The following ATXN7L1 variants were observed in gnomAD, a reference collection of about 807,000 sequenced individuals.
The protein encoded by ATXN7L1 is ataxin-7-like protein 1.
ATXN7L1 carries 15 observed loss-of-function variants against 70.8 expected under a neutral mutation model. The ratio of observed to expected loss-of-function variants is 0.21; its 90% CI spans 0.14 to 0.33. The LOEUF (loss-of-function observed/expected upper bound fraction) is 0.33. ATXN7L1 is among the 10% of genes least tolerant of loss of function. ATXN7L1 has a pLI of 1.00. For missense variants in ATXN7L1, 975 were observed against 1,097.1 expected, an observed-to-expected ratio of 0.89 and a Z score of 1.57; for synonymous variants, 440 against 445.1, an observed-to-expected ratio of 0.99 and a Z score of 0.14.
intron 4 of ATXN7L1, among the ~76,000 whole-genome samples, chr7:105,662,476 G>A (rs1801868050): frequency 6.6e-6 from 1 of 152,166 alleles, no homozygotes; most frequent in South Asian, 2.1e-4. Flanking sequence ...TGTGTGTTGA[G>A]TTGGACTGGA....
chr7:105,729,097 T>C (rs2116323930), intron 3 of ATXN7L1, among the ~76,000 whole-genome samples: 1 of 152,088 alleles, frequency 6.6e-6, no homozygotes, highest in East Asian at 1.9e-4. Context: ...GACCCATCTC[T>C]ACAAATAATA....
intron 3 of ATXN7L1, among the ~76,000 whole-genome samples, chr7:105,718,681 T>C (rs981679636): frequency 4.6e-5 from 7 of 152,352 alleles, no homozygotes; most frequent in Middle Eastern, 3.4e-3. Context: ...GATGGAGGCA[T>C]GGAACCACCT....
chr7:105,608,944 C>G (rs759096117), intron 11 of ATXN7L1, among the ~76,000 whole-genome samples: 2 of 152,142 alleles, frequency 1.3e-5, no homozygotes, highest in Non-Finnish European at 2.9e-5. Flanking sequence ...AAAACCCCAC[C>G]CCCCAATCCT....
intron 3 of ATXN7L1, among the ~76,000 whole-genome samples, chr7:105,783,121 G>A (rs1456688767): frequency 7.2e-5 from 11 of 152,170 alleles, no homozygotes; most frequent in Admixed American, 6.5e-4. Flanking sequence ...AGGCTCAGAA[G>A]GTCATATAAG....
rs1793553114 is a variant in ATXN7L1 at position 105,614,477 on chromosome 7, G to C, written c.1857C>G (p.Ser619=). 7 of 1,536,486 alleles carry C rather than the reference G, an allele frequency of 4.6e-6. No homozygotes were observed. Among genetic ancestry groups the C allele is most frequent in the Non-Finnish European group, 6.1e-6 (7 of 1,138,538 alleles). ...TTGAGGATTTGCTGGTTTTGGTTTTGGATGGCTTGTGGGATGGGGAAGGGA... is the reference window on the plus strand; with the variant it reads ...TTGAGGATTTGCTGGTTTTGGTTTTCGATGGCTTGTGGGATGGGGAAGGGA... ...AVIPSPSHKP[S]KTKTSKSSKV... Residue 619 remains serine, a synonymous_variant, in exon 10 of 12, where the codon TCC becomes TCG. Coordinates refer to ENST00000419735, the MANE Select transcript of ATXN7L1 (RefSeq NM_020725.2). This position sits in a 1 kb window ranked among gnomAD's most constrained non-coding sequence, Gnocchi z 4.3.
At chr7:105,729,893 A>G (rs2040434266) in intron 3 of ATXN7L1, among the ~76,000 whole-genome samples, 1 of 151,846 alleles carries the variant, frequency 6.6e-6, no homozygotes, top group African/African-American at 2.4e-5. Context: ...GCCTGCCACC[A>G]CGCCCAGCTA....
intron 2 of ATXN7L1, among the ~76,000 whole-genome samples, chr7:105,826,527 T>C (rs1420465188): frequency 3.9e-5 from 6 of 152,116 alleles, no homozygotes; most frequent in Non-Finnish European, 8.8e-5. Flanking sequence ...CATAGACATA[T>C]ACCTAAAAAA....
In ATXN7L1 at chr7:105,638,517, T is replaced by C; in HGVS notation, c.1038A>G (p.Lys346=). The C allele has an allele frequency of 1.9e-6, 3 of 1,552,282 alleles. No homozygotes were observed. The highest frequency in any genetic ancestry group is 2.6e-6 in the Non-Finnish European group (3 of 1,147,122). Residue 346 remains lysine, a synonymous_variant, in exon 7 of 12, where the codon AAA becomes AAG. Coordinates refer to ENST00000419735, the MANE Select transcript of ATXN7L1 (RefSeq NM_020725.2). ...LAEHKAKSRE[K]EVKDKEHLLT... is the part of the protein sequence containing the mutation. ...GGAGATGCTCTTTATCTTTAACTTC[T>C]TTTTCCCGGGACTTTGCTTTGTGTT... is the stretch of plus-strand genomic sequence containing the variant.
intron 4 of ATXN7L1, among the ~76,000 whole-genome samples, chr7:105,664,567 A>ATGTG (rs199654975): frequency 8.4e-6 from 1 of 119,220 alleles, no homozygotes. Context: ...TATATTATGT[A>ATGTG]TGTGTGTGTA....
At chr7:105,717,949 T>C (rs989637331) in intron 3 of ATXN7L1, among the ~76,000 whole-genome samples, 1 of 152,206 alleles carries the variant, frequency 6.6e-6, no homozygotes, top group African/African-American at 2.4e-5. Context: ...GGTAAGAATA[T>C]TAATATTTTT....
At chr7:105,729,830 C>T (rs1181293227) in intron 3 of ATXN7L1, among the ~76,000 whole-genome samples, 4 of 151,836 alleles carry the variant, frequency 2.6e-5, no homozygotes, top group Admixed American at 6.6e-5. Context: ...CTCTGCCTCC[C>T]GGGTTCACGC....
chr7:105,749,114 C>T (rs925019233), intron 3 of ATXN7L1, among the ~76,000 whole-genome samples: 2 of 148,168 alleles, frequency 1.3e-5, no homozygotes, highest in Non-Finnish European at 3.0e-5. Flanking sequence ...TGATTTTAGA[C>T]TGAGACTAAT....
chr7:105,631,488 C>A (rs1796590981), intron 7 of ATXN7L1, among the ~76,000 whole-genome samples: 1 of 152,190 alleles, frequency 6.6e-6, no homozygotes, highest in Non-Finnish European at 1.5e-5. Context: ...AGTAAACTTT[C>A]TGGAGTCTCG....
Position 105,607,747 on chromosome 7 carries a change from AAC to A in ATXN7L1, c.*103_*104del. 1 of 1,040,650 alleles carries A rather than the reference AAC, an allele frequency of 9.6e-7. No individual in the cohort carries two copies. Among genetic ancestry groups the A allele is most frequent in the Non-Finnish European group, 1.4e-6 (1 of 693,512 alleles). 64.5% of individuals were successfully genotyped at this position (1,040,650 alleles called of 1,614,324 possible). ...CCAGAGTCACAGGGAGTGCACAGAA[AAC>A]AGACTCTCCCCCCAGCCCACTCCCC... On this transcript the variant is annotated 3_prime_UTR_variant, in exon 12 of 12. Transcript: ENST00000419735.
chr7:105,729,736 C>CT (rs55774943), intron 3 of ATXN7L1, among the ~76,000 whole-genome samples: 6,444 of 129,488 alleles, frequency 0.05, 211 homozygotes, highest in African/African-American at 0.069. Flanking sequence ...GGCACCACTT[C>CT]TTTTTTTTTT....
At chr7:105,681,590 G>A (rs1265250090) in intron 3 of ATXN7L1, among the ~76,000 whole-genome samples, 3 of 152,126 alleles carry the variant, frequency 2.0e-5, no homozygotes, top group African/African-American at 7.2e-5. Context: ...TATCTCAAAT[G>A]TGGGTATACC....
chr7:105,834,749 T>C (rs545506496), intron 2 of ATXN7L1, among the ~76,000 whole-genome samples: 1 of 152,230 alleles, frequency 6.6e-6, no homozygotes, highest in South Asian at 2.1e-4. Flanking sequence ...GAAAAACAAC[T>C]TCAATAACGT....
intron 3 of ATXN7L1, among the ~76,000 whole-genome samples, chr7:105,742,752 T>C (rs1278083794): frequency 6.6e-6 from 1 of 152,180 alleles, no homozygotes; most frequent in Non-Finnish European, 1.5e-5. Flanking sequence ...CTGTTTATTT[T>C]CCATATTCAT....
intron 3 of ATXN7L1, among the ~76,000 whole-genome samples, chr7:105,729,732 ACTT>A (rs1389312833): frequency 7.3e-5 from 9 of 122,562 alleles, no homozygotes; most frequent in Admixed American, 6.8e-4. Context: ...GCCTGGCACC[ACTT>A]CTTTTTTTTT....
Sources: allele counts gnomAD v4.1 joint callset (sites outside exome capture counted in the v4.1 genomes callset), GRCh38; gene constraint gnomAD v4.1.1; non-coding constraint Gnocchi (gnomAD v3.1); transcripts MANE v1.5; gene names NCBI Gene and HGNC (gene_info 2026-07-23, HGNC 2026-07-21).